SYNPR: variants seen among roughly 807,000 people sequenced by gnomAD.
SYNPR encodes synaptoporin.
Under a neutral mutation model 32.9 loss-of-function variants are expected in SYNPR, and 23 were observed. The observed-to-expected ratio is 0.70, with a 90% confidence interval of 0.50 to 0.99. The LOEUF is 0.99. Ranked by LOEUF, SYNPR falls within the 50% of genes least tolerant of loss-of-function variation. The pLI, the probability that SYNPR is intolerant of heterozygous loss-of-function variation, is 0.00. For missense variants in SYNPR, 318 were observed against 349.3 expected, an observed-to-expected ratio of 0.91 and a Z score of 0.71; for synonymous variants, 146 against 135.9, an observed-to-expected ratio of 1.07 and a Z score of -0.52.
chr3:63,242,966 T>C (rs1005856183), intron 1 of SYNPR, among the ~76,000 whole-genome samples: 1 of 151,918 alleles, frequency 6.6e-6, no homozygotes, highest in Non-Finnish European at 1.5e-5. Flanking sequence ...GGTTGAACAA[T>C]AGCGCATATA....
At chr3:63,420,421 T>C (rs1033550035) in intron 2 of SYNPR, among the ~76,000 whole-genome samples, 12 of 152,166 alleles carry the variant, frequency 7.9e-5, no homozygotes, top group African/African-American at 2.9e-4. Flanking sequence ...AATGCATATA[T>C]GGAAATTGCT....
chr3:63,437,733 A>T (rs897521208), intron 2 of SYNPR, among the ~76,000 whole-genome samples: 7 of 152,186 alleles, frequency 4.6e-5, no homozygotes, highest in Non-Finnish European at 8.8e-5. Context: ...GCCACTTCAC[A>T]GCACCTGTGG....
chr3:63,600,601 A>C (rs988037310), intron 4 of SYNPR, among the ~76,000 whole-genome samples: 2 of 152,290 alleles, frequency 1.3e-5, no homozygotes, highest in Non-Finnish European at 2.9e-5. Context: ...AGATGGAGGT[A>C]ATTGGATCAT....
intron 1 of SYNPR, among the ~76,000 whole-genome samples, chr3:63,241,533 G>A (rs1276236087): frequency 6.6e-6 from 1 of 151,960 alleles, no homozygotes; most frequent in African/African-American, 2.4e-5. Flanking sequence ...AAGACCACCA[G>A]GAATTCTGGA....
At chr3:63,580,620 GTC>G (rs1369205681) in intron 4 of SYNPR, among the ~76,000 whole-genome samples, 3 of 152,094 alleles carry the variant, frequency 2.0e-5, no homozygotes, top group East Asian at 3.9e-4. Flanking sequence ...CAGTTAGTGA[GTC>G]TCTGGTTATG....
intron 3 of SYNPR, among the ~76,000 whole-genome samples, chr3:63,533,818 A>C (rs1395478543): frequency 6.6e-6 from 1 of 152,168 alleles, no homozygotes; most frequent in Non-Finnish European, 1.5e-5. Context: ...TTGGCTATCG[A>C]ATAGACCCTT....
chr3:63,512,470 CT>C (rs1441906803), intron 3 of SYNPR, among the ~76,000 whole-genome samples: 1 of 152,152 alleles, frequency 6.6e-6, no homozygotes, highest in Non-Finnish European at 1.5e-5. Context: ...TGTTAATCAG[CT>C]GACCATTAAA....
At chr3:63,211,784 G>T in the SYNPR span, among the ~76,000 whole-genome samples, 1 of 141,012 alleles carries the variant, frequency 7.1e-6, no homozygotes. Context: ...ATGTATACAT[G>T]TGCCATGCTG....
rs1257153458 is a variant in SYNPR at position 63,554,695 on chromosome 3, C to CT, written c.210-1841dup. Among the ~76,000 whole-genome samples, 8 of 149,816 alleles carry CT rather than the reference C, an allele frequency of 5.3e-5. No individual in the cohort carries two copies. The South Asian group carries it at 1.3e-3, about 24-fold the overall frequency. Reference sequence around the variant, plus strand: ...TAAGACTGTTTTGGCTATTCAGGCTCTTTTTTTGGGTTCCATATGAATTTT... The same window carrying CT: ...TAAGACTGTTTTGGCTATTCAGGCTCTTTTTTTTGGGTTCCATATGAATTTT... On this transcript the variant is annotated intron_variant, in intron 3 of 5. Transcript: ENST00000478300.
intron 2 of SYNPR, among the ~76,000 whole-genome samples, chr3:63,357,797 T>C (rs2087603335): frequency 6.6e-6 from 1 of 152,194 alleles, no homozygotes; most frequent in Non-Finnish European, 1.5e-5. Context: ...TTGATTAGCA[T>C]CTAAGGAGAT....
intron 2 of SYNPR, among the ~76,000 whole-genome samples, chr3:63,416,056 T>C (rs2088534788): frequency 1.3e-5 from 2 of 152,200 alleles, no homozygotes; most frequent in African/African-American, 4.8e-5. Flanking sequence ...CTGAAGCCAA[T>C]TGGTTGGAGT....
chr3:63,228,426 A>G (rs2086144808), intron 1 of SYNPR: 1 of 152,232 alleles, frequency 6.6e-6, no homozygotes, highest in African/African-American at 2.4e-5. Flanking sequence ...TGAAGCTGCA[A>G]GCAGCTGTGC....
chr3:63,416,402 C>T (rs528132869), intron 2 of SYNPR, among the ~76,000 whole-genome samples: 42 of 152,006 alleles, frequency 2.8e-4, no homozygotes, highest in Non-Finnish European at 3.7e-4. Flanking sequence ...CGTGGTGGTG[C>T]GTGCCTGTAG....
intron 1 of SYNPR, among the ~76,000 whole-genome samples, chr3:63,229,053 A>G (rs2086149639): frequency 6.6e-6 from 1 of 152,210 alleles, no homozygotes; most frequent in Non-Finnish European, 1.5e-5. Context: ...CTCAGTTTTT[A>G]TTATATCAAA....
upstream of SYNPR, among the ~76,000 whole-genome samples, chr3:63,227,667 G>A (rs1465619349): frequency 6.6e-6 from 1 of 152,156 alleles, no homozygotes; most frequent in Non-Finnish European, 1.5e-5. Flanking sequence ...TCTATCTACA[G>A]GTATTTCATT....
intron 4 of SYNPR, among the ~76,000 whole-genome samples, chr3:63,564,398 T>C (rs913754084): frequency 2.0e-5 from 3 of 151,874 alleles, no homozygotes; most frequent in Non-Finnish European, 2.9e-5. Flanking sequence ...GGTTTCACCA[T>C]GTTGGCCAGG....
chr3:63,548,875 T>G (rs1702456240), intron 3 of SYNPR, among the ~76,000 whole-genome samples: 1 of 152,120 alleles, frequency 6.6e-6, no homozygotes, highest in Admixed American at 6.6e-5. Context: ...CCGCCAAATG[T>G]ATTGGTAGGA....
chr3:63,494,139 T>C (rs1204617144), intron 3 of SYNPR, among the ~76,000 whole-genome samples: 1 of 151,730 alleles, frequency 6.6e-6, no homozygotes, highest in African/African-American at 2.4e-5. Context: ...TGGATGTTTT[T>C]ATTTTTTGTT....
chr3:63,278,508 A>G lies in SYNPR; in HGVS notation c.-26A>G. 2.6e-6 allele frequency: 4 copies of G among 1,546,454 alleles called. No individual in the cohort carries two copies. The highest frequency in any genetic ancestry group is 3.5e-6 in the Non-Finnish European group (4 of 1,144,080). ...CTTCATTTTTAAAAAGAACTGGTGG[A>G]TGAGAAGAGCGAGCGAGGGCGAGCT... is the stretch of plus-strand genomic sequence containing the variant. On this transcript the variant is annotated 5_prime_UTR_variant, in exon 1 of 6. It removes an upstream start codon present in the reference 5' UTR. Coordinates refer to ENST00000478300, the MANE Select transcript of SYNPR (RefSeq NM_001130003.2).
Sources: allele counts gnomAD v4.1 joint callset (sites outside exome capture counted in the v4.1 genomes callset), GRCh38; gene constraint gnomAD v4.1.1; transcripts MANE v1.5; gene names NCBI Gene and HGNC (gene_info 2026-07-23, HGNC 2026-07-21).